The following PIR variants were observed in gnomAD, a reference collection of about 807,000 sequenced individuals.
The protein encoded by PIR is pirin.
A neutral mutation model predicts 24.2 loss-of-function variants in PIR; 22 were observed. That is an observed-to-expected ratio of 0.91 (90% CI 0.65 to 1.30). The LOEUF (loss-of-function observed/expected upper bound fraction) is 1.30. PIR is among the 50% of genes most tolerant of loss of function. The pLI is 0.00. For synonymous variants in PIR, 80 were observed against 79.6 expected (o/e 1.00, Z -0.03); for missense variants, 220 against 220.3 (o/e 1.00, Z 0.01).
chrX:15,425,103 T>A (rs1004894215), intron 6 of PIR, among the ~76,000 whole-genome samples: 1 of 111,102 alleles, frequency 9.0e-6, no homozygotes, highest in Non-Finnish European at 1.9e-5. Context: ...GATTCAAATG[T>A]CAATCTAAAG....
chrX:15,465,095 C>T (rs1921493307), intron 3 of PIR, among the ~76,000 whole-genome samples: 1 of 111,379 alleles, frequency 9.0e-6, no homozygotes, highest in South Asian at 3.7e-4. Context: ...AAACAGTTAT[C>T]CCCCCTTTCC....
chrX:15,456,185 G>A, intron 4 of PIR, 131 bp from the exon 5 acceptor site: 2 of 553,168 alleles, frequency 3.6e-6, no homozygotes, highest in African/African-American at 2.3e-5. Flanking sequence ...GGGCATCGAG[G>A]GGAATAATAA....
chrX:15,426,513 T>C (rs1925323834), intron 5 of PIR, among the ~76,000 whole-genome samples: 1 of 112,223 alleles, frequency 8.9e-6, no homozygotes, highest in African/African-American at 3.2e-5. Flanking sequence ...AGGCAAACTT[T>C]TGCAGGATTT....
chrX:15,471,479 C>T (rs1053712270), intron 3 of PIR, among the ~76,000 whole-genome samples: 1 of 111,764 alleles, frequency 8.9e-6, no homozygotes, highest in East Asian at 2.8e-4. Flanking sequence ...GCTTGGGCTT[C>T]GAAGCTTGGG....
chrX:15,434,139 GAGGAGGAAGGAGAAAGA>G (rs1481474529), intron 5 of PIR, among the ~76,000 whole-genome samples: 1 of 93,747 alleles, frequency 1.1e-5, no homozygotes, highest in Non-Finnish European at 2.1e-5. Flanking sequence ...AAAGAAGGAG[GAGGAGGAAGGAGAAAGA>G]AGAAGGAGGA....
intron 7 of PIR, among the ~76,000 whole-genome samples, chrX:15,401,697 CAATTT>C (rs899458411): frequency 1.8e-5 from 2 of 111,923 alleles, no homozygotes; most frequent in African/African-American, 6.5e-5. Flanking sequence ...TAACTGAAAA[CAATTT>C]AATTGCAATT....
At chrX:15,403,315 C>T (rs944987247) in intron 7 of PIR, among the ~76,000 whole-genome samples, 10 of 112,228 alleles carry the variant, frequency 8.9e-5, no homozygotes, top group Middle Eastern at 4.6e-3. Context: ...CCTTTGTAAG[C>T]CAGTTCATTT....
chrX:15,434,343 A>T (rs1925674045), intron 5 of PIR, among the ~76,000 whole-genome samples: 1 of 99,341 alleles, frequency 1.0e-5, no homozygotes, highest in African/African-American at 3.7e-5. Context: ...GAACGAGAAA[A>T]AGGAGGGGGA....
chrX:15,460,209 G>A (rs1921245015), intron 3 of PIR, among the ~76,000 whole-genome samples: 1 of 111,363 alleles, frequency 9.0e-6, no homozygotes, highest in East Asian at 2.8e-4. Context: ...ATGAAAAATA[G>A]AACTCCTATA....
chrX:15,425,106 A>G (rs1270512808), intron 6 of PIR, among the ~76,000 whole-genome samples: 1 of 111,767 alleles, frequency 8.9e-6, no homozygotes, highest in Non-Finnish European at 1.9e-5. Context: ...TCAAATGTCA[A>G]TCTAAAGGTA....
At chrX:15,457,281 G>A (rs955951326) in intron 4 of PIR, among the ~76,000 whole-genome samples, 3 of 111,322 alleles carry the variant, frequency 2.7e-5, no homozygotes, top group South Asian at 7.7e-4. Context: ...TATGGTCAGT[G>A]AGGGCTGGAG....
chrX:15,475,013 G>A (rs771068978), intron 3 of PIR, among the ~76,000 whole-genome samples: 7 of 110,203 alleles, frequency 6.4e-5, no homozygotes, highest in East Asian at 2.8e-4. Flanking sequence ...ATCCTTTCCC[G>A]GTTTTCCAAA....
intron 8 of PIR, among the ~76,000 whole-genome samples, chrX:15,395,215 T>A (rs1924090061): frequency 8.9e-6 from 1 of 111,958 alleles, no homozygotes; most frequent in Non-Finnish European, 1.9e-5. Flanking sequence ...AACTGTTATG[T>A]GCCCTAAGCC....
intron 1 of PIR, among the ~76,000 whole-genome samples, chrX:15,492,628 C>T (rs967268652): frequency 1.6e-4 from 18 of 112,009 alleles, no homozygotes; most frequent in Middle Eastern, 4.6e-3. Context: ...CACCACATAT[C>T]AGCTGTGTGA....
intron 3 of PIR, among the ~76,000 whole-genome samples, chrX:15,471,145 G>A (rs1285558911): frequency 1.8e-5 from 2 of 111,927 alleles, no homozygotes; most frequent in African/African-American, 6.5e-5. Context: ...GCTGTGGGAA[G>A]TGGCCTGTGC....
chrX:15,435,235 AAAG>A (rs1243165336), intron 5 of PIR, among the ~76,000 whole-genome samples: 3 of 102,696 alleles, frequency 2.9e-5, no homozygotes, highest in African/African-American at 1.0e-4. Flanking sequence ...AAAGAAAAGA[AAAG>A]AAGAAAGAAA....
intron 9 of PIR, among the ~76,000 whole-genome samples, chrX:15,386,652 G>A (rs1156919187): frequency 1.8e-5 from 2 of 111,758 alleles, no homozygotes; most frequent in Admixed American, 9.6e-5. Context: ...CACAGAGGGA[G>A]TGATGTTTGA....
chrX:15,385,167 T>C (rs745809642), intron 9 of PIR, 51 bp from the exon 10 acceptor site: 1 of 604,146 alleles, frequency 1.7e-6, no homozygotes, highest in Non-Finnish European at 2.7e-6. Context: ...TATTTTCCTC[T>C]ACCACTAGAA....
chrX:15,428,167 A>C (rs1406371503), intron 5 of PIR, among the ~76,000 whole-genome samples: 1 of 111,204 alleles, frequency 9.0e-6, no homozygotes, highest in Admixed American at 9.6e-5. Flanking sequence ...TGAAACCAGA[A>C]AGACCTGTGA....
Sources: gnomAD v4.1 joint callset for allele counts (sites outside exome capture counted in the v4.1 genomes callset) on GRCh38, gnomAD v4.1.1 for gene constraint, MANE v1.5 for transcripts, NCBI Gene and HGNC (gene_info 2026-07-23, HGNC 2026-07-21) for gene names.